The following MAP3K9 variants were observed in gnomAD, a reference collection of about 807,000 sequenced individuals.
The protein encoded by MAP3K9 is mixed lineage kinase 1 (tyr and ser/thr specificity).
MAP3K9 carries 46 observed loss-of-function variants against 95.8 expected under a neutral mutation model. The observed-to-expected ratio is 0.48, with a 90% CI of 0.38 to 0.61. The LOEUF is 0.61. Among genes scored for constraint, MAP3K9 ranks in the 20% least tolerant of loss-of-function variants. MAP3K9 has a pLI of 0.00. For synonymous variants in MAP3K9, 533 were observed against 593.8 expected (o/e 0.90, Z 1.49); for missense variants, 1,296 against 1,474.3 (o/e 0.88, Z 1.98).
At chr14:70,742,026 T>C (rs1303891476) in intron 6 of MAP3K9, among the ~76,000 whole-genome samples, 1 of 152,192 alleles carries the variant, frequency 6.6e-6, no homozygotes, top group South Asian at 2.1e-4. Context: ...CCTGGAATGT[T>C]TTCCCCCAAC....
At chr14:70,739,190 C>T (rs991466293) in intron 7 of MAP3K9, among the ~76,000 whole-genome samples, 1 of 152,196 alleles carries the variant, frequency 6.6e-6, no homozygotes, top group African/African-American at 2.4e-5. Context: ...AACGCAGTGG[C>T]GCAATCTTGG....
chr14:70,732,833 T>A lies in MAP3K9; in HGVS notation c.2536A>T (p.Thr846Ser). ...SLSSISECNS[T>S]RSLLRSDSDE... ...CTGTCGGAGCGCAGCAGGGAGCGTG[T>A]GGAGTTGCACTCGGAGATGGAGGAG... The change falls in exon 11 of 12, where the codon ACA (threonine) becomes TCA (serine). Residue 846 changes from threonine to serine, a missense_variant. Physicochemically the swap from Thr to Ser is moderately conservative, Grantham distance 58 (BLOSUM62 1). This residue lies in a region of MAP3K9 where 433 missense variants were observed against 441.4 expected (regional missense o/e 0.98). Transcript: ENST00000554752. 1.2e-6 allele frequency: 2 copies of A among 1,613,946 alleles called. No individual in the cohort carries two copies. Among genetic ancestry groups the A allele is most frequent in the Non-Finnish European group, 1.7e-6 (2 of 1,179,938 alleles).
Position 70,740,069 on chromosome 14 carries a change from T to C in MAP3K9, c.1663A>G (p.Ile555Val), listed in dbSNP as rs1293393097. ...TGGATGGCTCGAAGGCGAGGAATGA[T>C]GGTGGGGCTTGCAGGAGGACTGGAG... ...SRSSPPASPTIIPRLRAIQLT... is the reference protein window; with the variant it reads ...SRSSPPASPTVIPRLRAIQLT... The change falls in exon 7 of 12, where the codon ATC becomes GTC. Residue 555 changes from isoleucine to valine, a missense_variant. By Grantham distance (29) the Ile-to-Val change is conservative. This residue lies in a region of MAP3K9 where 377 missense variants were observed against 417.1 expected (regional missense o/e 0.90). Transcript: ENST00000554752. 1 of 1,614,004 alleles carries C rather than the reference T, an allele frequency of 6.2e-7. No individual in the cohort carries two copies. The highest frequency in any genetic ancestry group is 8.5e-7 in the Non-Finnish European group (1 of 1,180,034).
intron 3 of MAP3K9, among the ~76,000 whole-genome samples, chr14:70,756,414 AAG>A (rs2054299454): frequency 6.6e-6 from 1 of 152,186 alleles, no homozygotes; most frequent in Non-Finnish European, 1.5e-5. Context: ...TAAAAAAGGC[AAG>A]AGAGAGTTGA....
rs752555260 is a variant in MAP3K9 at position 70,761,078 on chromosome 14, C to T, written c.925G>A (p.Ala309Thr). 1.9e-6 allele frequency: 3 copies of T among 1,614,148 alleles called. No individual in the cohort carries two copies. The highest frequency in any genetic ancestry group is 4.5e-5 in the East Asian group (2 of 44,888). ...REWHRTTKMSAAGTYAWMAPE... is the reference protein window; with the variant it reads ...REWHRTTKMSTAGTYAWMAPE... ...GCCATCCAAGCATACGTCCCTGCCG[C>T]ACTCATCTTGGTGGTTCGGTGCCAT... Residue 309 changes from alanine to threonine, a missense_variant, in exon 3 of 12, where the codon GCG (alanine) becomes ACG (threonine). Around this residue, in one of 5 missense-constraint regions of MAP3K9, gnomAD observed 136 missense variants for 221.5 expected, o/e 0.61. Coordinates refer to ENST00000554752, the MANE Select transcript of MAP3K9 (RefSeq NM_001284230.2).
intron 4 of MAP3K9, 79 bp from the exon 5 acceptor site, chr14:70,749,083 C>A: frequency 2.9e-6 from 4 of 1,359,260 alleles, no homozygotes; most frequent in South Asian, 1.4e-5. Flanking sequence ...TACATGGCCT[C>A]ACTTCCCAGA....
chr14:70,761,305 G>T, intron 2 of MAP3K9, 123 bp from the exon 3 acceptor site: 2 of 750,460 alleles, frequency 2.7e-6, no homozygotes, highest in Non-Finnish European at 4.3e-6. Flanking sequence ...AGCTGCCATG[G>T]ATTGATGGTC....
chr14:70,753,445 T>C (rs1436804047), intron 3 of MAP3K9, among the ~76,000 whole-genome samples: 1 of 152,222 alleles, frequency 6.6e-6, no homozygotes, highest in East Asian at 1.9e-4. Flanking sequence ...GAAGACTTGG[T>C]ATTCTGTTGG....
chr14:70,783,507 TC>T, intron 2 of MAP3K9: 1 of 709,744 alleles, frequency 1.4e-6, no homozygotes, highest in Non-Finnish European at 1.7e-6. Context: ...GCTCTAAAGT[TC>T]CAGGAGCAGC....
rs776036323 is a variant in MAP3K9 at position 70,761,039 on chromosome 14, G to A, written c.964C>T (p.Arg322Trp). The A allele has an allele frequency of 1.9e-6, 3 of 1,613,818 alleles. No individual in the cohort carries two copies. The highest frequency in any genetic ancestry group is 2.5e-6 in the Non-Finnish European group (3 of 1,179,946). The stretch of plus-strand genomic sequence containing the variant: ...CTGCCTTTGGAAAACATGGAGGCCC[G>A]GATGACTTCGGGTGCCATCCAAGCA... ...TYAWMAPEVI[R>W]ASMFSKGSDV... Residue 322 changes from arginine to tryptophan, a missense_variant, in exon 3 of 12, where the codon CGG becomes TGG. Arg to Trp is a moderately radical substitution (Grantham distance 101). Around this residue, in one of 5 missense-constraint regions of MAP3K9, gnomAD observed 136 missense variants for 221.5 expected, o/e 0.61. Transcript: ENST00000554752.
chr14:70,801,453 T>A (rs1449599927), intron 1 of MAP3K9, among the ~76,000 whole-genome samples: 1 of 152,230 alleles, frequency 6.6e-6, no homozygotes, highest in Non-Finnish European at 1.5e-5. Context: ...GGTTTTGCCA[T>A]GTTGCCCAGG....
Position 70,733,303 on chromosome 14 carries a change from C to A in MAP3K9, c.2066G>T (p.Arg689Leu). The change falls in exon 11 of 12, where the codon CGC becomes CTC. Residue 689 changes from arginine (R) to leucine (L), a missense_variant. By Grantham distance (102) the Arg-to-Leu change is moderately radical. Transcript: ENST00000554752. Reference sequence around the variant, plus strand: ...GGACTGGCTGGGTGAATGCTGTAGGCGACTCTCTCCACTCCCTGGGCCTTC... The same window carrying A: ...GGACTGGCTGGGTGAATGCTGTAGGAGACTCTCTCCACTCCCTGGGCCTTC... ...DSEGPGSGES[R>L]LQHSPSQSYL... 6.4e-7 allele frequency: 1 copy of A among 1,573,528 alleles called. No homozygotes were observed. The highest frequency in any genetic ancestry group is 1.1e-5 in the South Asian group (1 of 87,770).
chr14:70,798,470 A>ATTTT (rs1355994940), intron 2 of MAP3K9, among the ~76,000 whole-genome samples: 11 of 108,348 alleles, frequency 1.0e-4, no homozygotes, highest in Non-Finnish European at 1.6e-4. Context: ...GGTCACCAAA[A>ATTTT]GTTTTTTTTT....
chr14:70,738,413 G>C lies in MAP3K9; in HGVS notation c.1691-15C>G. On this transcript the variant is annotated splice_polypyrimidine_tract_variant and intron_variant, in intron 7 of 11. Coordinates refer to ENST00000554752, the MANE Select transcript of MAP3K9 (RefSeq NM_001284230.2). ...ACCTGGTGTCACTGTGAATCACAAG[G>C]GTTGGATAGGATCTAGAAAATGGAC... 1 of 1,612,694 alleles carries C rather than the reference G, an allele frequency of 6.2e-7. No homozygotes were observed. Among genetic ancestry groups the C allele is most frequent in the African/African-American group, 1.3e-5 (1 of 74,922 alleles).
intron 6 of MAP3K9, among the ~76,000 whole-genome samples, chr14:70,740,609 G>T (rs940099208): frequency 6.6e-6 from 1 of 152,202 alleles, no homozygotes; most frequent in Non-Finnish European, 1.5e-5. Flanking sequence ...GCACAGCAGG[G>T]TATCAATGAC....
At position 70,730,373 on chromosome 14, in the gene MAP3K9, T is replaced by C; in HGVS notation, c.*7A>G. The C allele has an allele frequency of 1.3e-6, 2 of 1,596,232 alleles. No individual in the cohort carries two copies. The highest frequency in any genetic ancestry group is 1.7e-6 in the Non-Finnish European group (2 of 1,165,980). ...TGTCCCCCTTGCCCGCCCCAATCCT[T>C]TTCGTGCTAAGACCAGAACTCCTGC... On this transcript the variant is annotated 3_prime_UTR_variant, in exon 12 of 12. Coordinates refer to ENST00000554752, the MANE Select transcript of MAP3K9 (RefSeq NM_001284230.2).
At position 70,732,886 on chromosome 14, in the gene MAP3K9, G is replaced by T; in HGVS notation, c.2483C>A (p.Pro828His). The change falls in exon 11 of 12, where the codon CCC (proline) becomes CAC (histidine). Residue 828 changes from proline to histidine, a missense_variant. Pro to His is a moderately conservative substitution (Grantham distance 77). This residue lies in a region of MAP3K9 where 433 missense variants were observed against 441.4 expected (regional missense o/e 0.98). Transcript: ENST00000554752. ...GGAGAGCAGCGTCAGGGAGGCAGAGGGGTCTCCTAGCAACAGCATGGGCTC... is the reference window on the plus strand; with the variant it reads ...GGAGAGCAGCGTCAGGGAGGCAGAGTGGTCTCCTAGCAACAGCATGGGCTC... ...KEEPMLLLGDPSASLTLLSLS... is the reference protein window; with the variant it reads ...KEEPMLLLGDHSASLTLLSLS... 2.5e-6 allele frequency: 4 copies of T among 1,613,832 alleles called. No homozygotes were observed. The highest frequency in any genetic ancestry group is 3.4e-6 in the Non-Finnish European group (4 of 1,179,830).
At chr14:70,800,620 A>T (rs1264961167) in intron 2 of MAP3K9, 47 bp downstream of exon 2, 2 of 1,576,446 alleles carry the variant, frequency 1.3e-6, no homozygotes, top group African/African-American at 2.7e-5. Context: ...CGTGGGATAC[A>T]ACTGCAACTG....
chr14:70,783,847 C>A (rs923919468), intron 2 of MAP3K9, among the ~76,000 whole-genome samples: 3 of 152,224 alleles, frequency 2.0e-5, no homozygotes, highest in Non-Finnish European at 2.9e-5. Context: ...ATCTGAATAA[C>A]CACACAGGGC....
Sources: allele counts gnomAD v4.1 joint callset (sites outside exome capture counted in the v4.1 genomes callset), GRCh38; gene constraint gnomAD v4.1.1; regional missense constraint gnomAD v4.1.1; transcripts MANE v1.5; gene names NCBI Gene and HGNC (gene_info 2026-07-23, HGNC 2026-07-21).